RPS6KC1: variants seen among roughly 807,000 people sequenced by gnomAD.
RPS6KC1 encodes ribosomal protein S6 kinase C1, also known as inactive ribosomal protein S6 kinase delta-1.
Under a neutral mutation model 103.8 loss-of-function variants are expected in RPS6KC1, and 54 were observed. The observed-to-expected ratio is 0.52, with a 90% confidence interval of 0.42 to 0.65. The LOEUF is 0.65. Ranked by LOEUF, RPS6KC1 falls within the 30% of genes least tolerant of loss-of-function variation. The pLI is 0.00. For missense variants in RPS6KC1, 1,151 were observed against 1,253.8 expected, an observed-to-expected ratio of 0.92 and a Z score of 1.24; for synonymous variants, 439 against 438.7, an observed-to-expected ratio of 1.00 and a Z score of -0.01.
chr1:213,751,430 A>T, the RPS6KC1 span, among the ~76,000 whole-genome samples: 1 of 152,118 alleles, frequency 6.6e-6, no homozygotes, highest in Non-Finnish European at 1.5e-5. Context: ...CTGAGAAACC[A>T]CACTTCTCTC....
intron 3 of RPS6KC1, among the ~76,000 whole-genome samples, chr1:213,088,633 T>C (rs2080659366): frequency 6.6e-6 from 1 of 152,136 alleles, no homozygotes; most frequent in Admixed American, 6.6e-5. Context: ...GCTGTGCTGG[T>C]ATTACAGGCA....
chr1:213,813,508 CAA>C, the RPS6KC1 span, among the ~76,000 whole-genome samples: 1 of 152,152 alleles, frequency 6.6e-6, no homozygotes. Context: ...AAAAGCCACT[CAA>C]GGATGTTAAT....
At chr1:213,310,492 T>G in the RPS6KC1 span, among the ~76,000 whole-genome samples, 1 of 152,216 alleles carries the variant, frequency 6.6e-6, no homozygotes, top group Non-Finnish European at 1.5e-5. Flanking sequence ...CTCCCTTCCT[T>G]CTGGTTCTTT....
intron 10 of RPS6KC1, among the ~76,000 whole-genome samples, chr1:213,238,797 G>A (rs1230098707): frequency 6.6e-6 from 1 of 152,154 alleles, no homozygotes; most frequent in Non-Finnish European, 1.5e-5. Context: ...TGACTTTTAT[G>A]TCCTGCACAT....
chr1:213,438,117 A>G, the RPS6KC1 span, among the ~76,000 whole-genome samples: 1 of 152,016 alleles, frequency 6.6e-6, no homozygotes, highest in Non-Finnish European at 1.5e-5. Flanking sequence ...TTGTAATTGT[A>G]TTTTTGATGT....
chr1:213,227,838 A>T (rs2093995115), intron 8 of RPS6KC1, among the ~76,000 whole-genome samples: 1 of 152,094 alleles, frequency 6.6e-6, no homozygotes, highest in Non-Finnish European at 1.5e-5. Flanking sequence ...TTCATAGACG[A>T]TAGTTCTCTG....
the RPS6KC1 span, among the ~76,000 whole-genome samples, chr1:213,500,851 T>A: frequency 6.6e-6 from 1 of 151,824 alleles, no homozygotes; most frequent in East Asian, 1.9e-4. Context: ...GAAGGGTGTC[T>A]ATATGTAAAA....
chr1:213,262,263 T>C (rs574846123), intron 13 of RPS6KC1, among the ~76,000 whole-genome samples: 1 of 152,326 alleles, frequency 6.6e-6, no homozygotes, highest in East Asian at 1.9e-4. Flanking sequence ...CGTGTGTAGA[T>C]AATACTGACC....
chr1:213,092,146 T>G (rs768069506), intron 3 of RPS6KC1, among the ~76,000 whole-genome samples: 20 of 152,316 alleles, frequency 1.3e-4, no homozygotes, highest in South Asian at 1.2e-3. Flanking sequence ...TGTAGTAGTA[T>G]TATTAAAATG....
chr1:213,315,392 C>T, the RPS6KC1 span, among the ~76,000 whole-genome samples: 2 of 152,324 alleles, frequency 1.3e-5, no homozygotes, highest in African/African-American at 4.8e-5. Flanking sequence ...AAAAATGCCA[C>T]ACATTATATC....
chr1:213,428,590 T>A, the RPS6KC1 span: 1 of 76,344 alleles, frequency 1.3e-5, no homozygotes, highest in East Asian at 5.0e-4. Flanking sequence ...CTCCCTCCCT[T>A]CCTGCCTCCC....
the RPS6KC1 span, among the ~76,000 whole-genome samples, chr1:213,658,702 G>C: frequency 6.6e-6 from 1 of 152,194 alleles, no homozygotes; most frequent in Non-Finnish European, 1.5e-5. Context: ...TGCATAAATA[G>C]AGGGACTGTG....
chr1:213,562,605 T>G, the RPS6KC1 span, among the ~76,000 whole-genome samples: 1 of 152,016 alleles, frequency 6.6e-6, no homozygotes, highest in Non-Finnish European at 1.5e-5. Flanking sequence ...CCTGACCTTG[T>G]GATCTGCCTG....
the RPS6KC1 span, among the ~76,000 whole-genome samples, chr1:213,457,089 A>T: frequency 6.6e-6 from 1 of 152,224 alleles, no homozygotes; most frequent in African/African-American, 2.4e-5. Context: ...TAATAGTTTT[A>T]AAAGGGGAGG....
the RPS6KC1 span, among the ~76,000 whole-genome samples, chr1:213,498,242 T>C: frequency 6.6e-6 from 1 of 152,186 alleles, no homozygotes; most frequent in South Asian, 2.1e-4. Context: ...TGCTAAAAGA[T>C]GTATAAGTGA....
chr1:213,192,166 A>G, intron 8 of RPS6KC1, among the ~76,000 whole-genome samples: 1 of 152,112 alleles, frequency 6.6e-6, no homozygotes, highest in East Asian at 1.9e-4. Context: ...TTTGTCTTTC[A>G]TTCTGTTGGT....
chr1:213,187,271 C>T (rs1231424208), intron 8 of RPS6KC1, among the ~76,000 whole-genome samples: 3 of 135,700 alleles, frequency 2.2e-5, no homozygotes, highest in Non-Finnish European at 3.1e-5. Flanking sequence ...TTTTTTGAGA[C>T]AGGATCTCAC....
At chr1:213,852,157 A>G in the RPS6KC1 span, among the ~76,000 whole-genome samples, 5 of 152,116 alleles carry the variant, frequency 3.3e-5, no homozygotes, top group African/African-American at 1.2e-4. Context: ...AAGAAAGAAA[A>G]AGTAGTTCTA....
chr1:213,831,392 A>G, the RPS6KC1 span, among the ~76,000 whole-genome samples: 4 of 152,174 alleles, frequency 2.6e-5, no homozygotes, highest in Non-Finnish European at 5.9e-5. Context: ...GAGTGATGTA[A>G]GGAAGGGGCC....
Sources: allele counts gnomAD v4.1 joint callset (sites outside exome capture counted in the v4.1 genomes callset), GRCh38; gene constraint gnomAD v4.1.1; transcripts MANE v1.5; gene names NCBI Gene and HGNC (gene_info 2026-07-23, HGNC 2026-07-21).